GCNT3: variants seen among roughly 807,000 people sequenced by gnomAD.
The protein encoded by GCNT3 is glucosaminyl (N-acetyl) transferase 3, mucin type, also known as beta-1,3-galactosyl-O-glycosyl-glycoprotein beta-1,6-N-acetylglucosaminyltransferase 3.
For missense variants in GCNT3, 708 were observed against 530.3 expected, an observed-to-expected ratio of 1.34 and a Z score of -3.29; for synonymous variants, 269 against 195.2, an observed-to-expected ratio of 1.38 and a Z score of -3.15.
intron 1 of GCNT3, among the ~76,000 whole-genome samples, chr15:59,613,508 C>T (rs2082705432): frequency 6.7e-6 from 1 of 149,200 alleles, no homozygotes; most frequent in East Asian, 2.0e-4. Flanking sequence ...CAAGACCAGC[C>T]AGGGGAACAG....
intron 2 of GCNT3, chr15:59,617,876 T>C (rs1261969399): frequency 6.0e-6 from 1 of 167,974 alleles, no homozygotes; most frequent in Non-Finnish European, 1.3e-5. Context: ...AGAAGAAGAA[T>C]GAGGAATGAA....
rs756078977 is a variant in GCNT3, at chr15:59,619,370, C to G, written c.1132C>G (p.Pro378Ala). 4 of 1,613,984 alleles carry G rather than the reference C, an allele frequency of 2.5e-6. No individual in the cohort carries two copies. The African/African-American group carries it at 5.3e-5, about 22-fold the overall frequency. The change falls in exon 3 of 3, where the codon CCT (proline) becomes GCT (alanine). Residue 378 changes from proline to alanine, a missense_variant. Physicochemically the swap from Pro to Ala is conservative, Grantham distance 27. Transcript: ENST00000396065. ...TGAGGGAGACATCGATAAGGGTGCT[C>G]CTTATGCTCCCTGCTCTGGAATCCA... ...GHEGDIDKGA[P>A]YAPCSGIHQR...
rs138620928 is a variant in GCNT3 at position 59,618,450 on chromosome 15, C to G, written c.212C>G (p.Ser71Ter). Residue 71 changes from serine to a stop codon, truncating the protein, a stop_gained, in exon 3 of 3, where the codon TCA becomes TGA. Coordinates refer to ENST00000396065, the MANE Select transcript of GCNT3 (RefSeq NM_004751.3). LOFTEE classifies it low-confidence loss of function (END_TRUNC). ...KLPAKRSINC[S>*]GVTRGDQEAV... The stretch of plus-strand genomic sequence containing the variant: ...CCAGCAAAGAGGTCTATCAACTGTT[C>G]AGGGGTCACCCGAGGGGACCAAGAG... 1.7e-3 allele frequency: 2,740 copies of G among 1,613,854 alleles called. 6 individuals are homozygous for G. Among genetic ancestry groups the G allele is most frequent in the Non-Finnish European group, 2.0e-3 (2,389 of 1,179,784 alleles).
At position 59,618,447 on chromosome 15, in the gene GCNT3, G is replaced by C. The variant is rs184025712; in HGVS notation, c.209G>C (p.Cys70Ser). The change falls in exon 3 of 3, where the codon TGT becomes TCT. Residue 70 changes from cysteine to serine, a missense_variant. Transcript: ENST00000396065. ...LKLPAKRSIN[C>S]SGVTRGDQEA... ...CTTCCAGCAAAGAGGTCTATCAACT[G>C]TTCAGGGGTCACCCGAGGGGACCAA... The C allele has an allele frequency of 1.2e-6, 2 of 1,613,952 alleles. No homozygotes were observed. Among genetic ancestry groups the C allele is most frequent in the Admixed American group, 1.7e-5 (1 of 60,006 alleles).
chr15:59,614,430 A>C (rs1164142570), intron 1 of GCNT3, among the ~76,000 whole-genome samples: 2 of 151,296 alleles, frequency 1.3e-5, no homozygotes, highest in African/African-American at 4.9e-5. Flanking sequence ...TAAAGGAATA[A>C]GAGAATAGCT....
Position 59,619,291 on chromosome 15 carries a change from G to A in GCNT3, c.1053G>A (p.Lys351=). 1 of 1,614,080 alleles carries A rather than the reference G, an allele frequency of 6.2e-7. No homozygotes were observed. The highest frequency in any genetic ancestry group is 1.7e-4 in the Middle Eastern group (1 of 6,060). ...CTGGCTCTGTTCCCAACCACCCCAA[G>A]TACGACATCTCAGACATGACTTCTA... ...WMPGSVPNHP[K]YDISDMTSIA... is the part of the protein sequence containing the mutation. The change falls in exon 3 of 3, where the codon AAG becomes AAA. Residue 351 remains lysine, a synonymous_variant. Coordinates refer to ENST00000396065, the MANE Select transcript of GCNT3 (RefSeq NM_004751.3).
rs1429503570 is a variant in GCNT3, at chr15:59,617,177, TC to T, written c.-61+297del. 4.2e-3 allele frequency among the ~76,000 whole-genome samples: 615 copies of T among 145,948 alleles called. 12 individuals carry two copies. The highest frequency in any genetic ancestry group is 5.6e-3 in the South Asian group (26 of 4,618). Reference sequence around the variant, plus strand: ...TTATTTTTCTTTTGTTTTCTTTCTTTCTTTTTTTTTTTTTAAAGGGGCTTCC... The same window carrying T: ...TTATTTTTCTTTTGTTTTCTTTCTTTTTTTTTTTTTTTTAAAGGGGCTTCC... On this transcript the variant is annotated intron_variant, in intron 2 of 2. Coordinates refer to ENST00000396065, the MANE Select transcript of GCNT3 (RefSeq NM_004751.3).
At chr15:59,615,073 C>T (rs1344115828) in intron 1 of GCNT3, 1 of 152,214 alleles carries the variant, frequency 6.6e-6, no homozygotes, top group Non-Finnish European at 1.5e-5. Context: ...CTCAACTCTA[C>T]TTTGTAATGC....
chr15:59,616,008 T>G (rs1215185901), intron 1 of GCNT3, among the ~76,000 whole-genome samples: 1 of 152,194 alleles, frequency 6.6e-6, no homozygotes, highest in African/African-American at 2.4e-5. Flanking sequence ...AGAAGGCATT[T>G]TGTAATCTAT....
chr15:59,614,791 C>T (rs1259260601), intron 1 of GCNT3, among the ~76,000 whole-genome samples: 1 of 152,166 alleles, frequency 6.6e-6, no homozygotes, highest in Admixed American at 6.5e-5. Flanking sequence ...CTAATGCAGC[C>T]CAGTAGGTCT....
At position 59,622,019 on chromosome 15, in the gene GCNT3, G is replaced by A. The variant is rs1890945782; in HGVS notation, c.*2464G>A. On this transcript the variant is annotated 3_prime_UTR_variant, in exon 3 of 3. Transcript: ENST00000396065. ...ACACAGTGAATTTTTTATTTATAAGGTAGTTACTTTTGGCCAGGTGTGGTG... is the reference window on the plus strand; with the variant it reads ...ACACAGTGAATTTTTTATTTATAAGATAGTTACTTTTGGCCAGGTGTGGTG... 6.6e-6 allele frequency: 1 copy of A among 151,532 alleles called. No homozygotes were observed. The highest frequency in any genetic ancestry group is 1.5e-5 in the Non-Finnish European group (1 of 67,918). The allele number at this position is 151,532 out of a possible 1,614,324, so 9.4% of individuals were successfully genotyped here.
chr15:59,614,126 C>T (rs1368531679), intron 1 of GCNT3, among the ~76,000 whole-genome samples: 1 of 152,062 alleles, frequency 6.6e-6, no homozygotes, highest in Non-Finnish European at 1.5e-5. Context: ...AGGGGGGCAC[C>T]AAAGAAAAGT....
intron 2 of GCNT3, among the ~76,000 whole-genome samples, chr15:59,617,197 G>T: frequency 7.2e-6 from 1 of 138,572 alleles, no homozygotes; most frequent in African/African-American, 2.7e-5. Flanking sequence ...TTTTTAAAGG[G>T]GCTTCCTGGT....
Position 59,619,448 on chromosome 15 carries a change from A to C in GCNT3, c.1210A>C (p.Asn404His). The change falls in exon 3 of 3, where the codon AAC (asparagine) becomes CAC (histidine). Residue 404 changes from asparagine (N) to histidine (H), a missense_variant. Transcript: ENST00000396065. ...GAGDLNWMLQ[N>H]HHLLANKFDP... The stretch of plus-strand genomic sequence containing the variant: ...TGGGGACTTGAATTGGATGCTTCAA[A>C]ACCATCACCTGTTGGCCAACAAGTT... 6.2e-7 allele frequency: 1 copy of C among 1,614,126 alleles called. No homozygotes were observed. The highest frequency in any genetic ancestry group is 1.1e-5 in the South Asian group (1 of 91,084).
At position 59,620,878 on chromosome 15, in the gene GCNT3, T is replaced by A. The variant is rs1441218618; in HGVS notation, c.*1323T>A. The A allele has an allele frequency of 8.0e-6, 1 of 124,722 alleles. No homozygotes were observed. The highest frequency in any genetic ancestry group is 1.7e-5 in the Non-Finnish European group (1 of 60,038). 7.7% of individuals were successfully genotyped at this position (124,722 alleles called of 1,614,324 possible). A position where few individuals can be genotyped will look rare whatever the true frequency, so the allele number is the denominator to read the frequency against. On this transcript the variant is annotated 3_prime_UTR_variant, in exon 3 of 3. Transcript: ENST00000396065. ...GCCTCTTGAGTCAAAACTCTTTTTT[T>A]TTTTTTTTTTTTTTTTTTTTTTGGA...
intron 1 of GCNT3, among the ~76,000 whole-genome samples, chr15:59,614,742 TC>T (rs1438880865): frequency 1.3e-5 from 2 of 152,178 alleles, no homozygotes; most frequent in African/African-American, 2.4e-5. Flanking sequence ...GCCTATCTCC[TC>T]TATCTCATCC....
intron 2 of GCNT3, among the ~76,000 whole-genome samples, chr15:59,617,165 G>GTTTTTTTTTTTTTTTTTTTTTTTTTTTTT (rs2082723241): frequency 1.6e-5 from 1 of 60,714 alleles, no homozygotes; most frequent in African/African-American, 6.1e-5. Context: ...TTTTTCTTTT[G>GTTTTTTTTTTTTTTTTTTTTTTTTTTTTT]TTTTCTTTCT....
At chr15:59,617,517 C>G (rs1028676180) in intron 2 of GCNT3, among the ~76,000 whole-genome samples, 1 of 152,124 alleles carries the variant, frequency 6.6e-6, no homozygotes, top group African/African-American at 2.4e-5. Context: ...ACAAAAGGTA[C>G]TCATTAAATA....
chr15:59,619,260 G>T lies in GCNT3; in HGVS notation c.1022G>T (p.Trp341Leu), dbSNP rs757351680. ...TGGGCCACCCTTCAGCGTGCACGGT[G>T]GATGCCTGGCTCTGTTCCCAACCAC... The part of the protein sequence containing the change: ...HLWATLQRAR[W>L]MPGSVPNHPK... The change falls in exon 3 of 3, where the codon TGG becomes TTG. Residue 341 changes from tryptophan to leucine, a missense_variant. By Grantham distance (61) the Trp-to-Leu change is moderately conservative. Coordinates refer to ENST00000396065, the MANE Select transcript of GCNT3 (RefSeq NM_004751.3). 1.2e-6 allele frequency: 2 copies of T among 1,614,122 alleles called. No homozygotes were observed. The highest frequency in any genetic ancestry group is 1.7e-6 in the Non-Finnish European group (2 of 1,180,030).
Sources: gnomAD v4.1 joint callset for allele counts (sites outside exome capture counted in the v4.1 genomes callset) on GRCh38, gnomAD v4.1.1 for gene constraint, MANE v1.5 for transcripts, NCBI Gene and HGNC (gene_info 2026-07-23, HGNC 2026-07-21) for gene names.